The following NLRC3 variants were observed in gnomAD, a reference collection of about 807,000 sequenced individuals.
The protein encoded by NLRC3 is NLR family CARD domain-containing protein 3.
NLRC3 carries 87 observed loss-of-function variants against 91.6 expected under a neutral mutation model. The observed-to-expected ratio is 0.95, with a 90% confidence interval of 0.80 to 1.14. NLRC3 has a LOEUF of 1.14. Ranked by LOEUF, NLRC3 falls within the 50% of genes most tolerant of loss-of-function variation. The pLI, the probability that NLRC3 is intolerant of heterozygous loss-of-function variation, is 0.00. For synonymous variants in NLRC3, 694 were observed against 625.3 expected (o/e 1.11, Z -1.64); for missense variants, 1,577 against 1,418.6 (o/e 1.11, Z -1.79).
intron 12 of NLRC3, among the ~76,000 whole-genome samples, 170 bp from the exon 13 acceptor site, chr16:3,549,395 T>C (rs949742747): frequency 2.6e-5 from 4 of 152,142 alleles, no homozygotes; most frequent in Admixed American, 6.5e-5. Flanking sequence ...GAGCCAGTGC[T>C]GGGCCAGCCA....
chr16:3,560,723 G>A (rs1278204233), intron 6 of NLRC3, among the ~76,000 whole-genome samples: 4 of 151,892 alleles, frequency 2.6e-5, no homozygotes, highest in South Asian at 4.1e-4. Flanking sequence ...GCAGTGGTGC[G>A]ATCTCGGCTC....
chr16:3,546,648 G>A (rs896057353), intron 15 of NLRC3, among the ~76,000 whole-genome samples: 1 of 152,156 alleles, frequency 6.6e-6, no homozygotes. Flanking sequence ...TCACAAGATG[G>A]GGAGCCAAGA....
intron 11 of NLRC3, 118 bp downstream of exon 11, chr16:3,550,296 C>T: frequency 1.5e-6 from 1 of 664,792 alleles, no homozygotes; most frequent in Non-Finnish European, 2.7e-6. Context: ...AGTGTGTGCC[C>T]AGGGTTAGTG....
chr16:3,555,378 G>C (rs2151092121), intron 8 of NLRC3, among the ~76,000 whole-genome samples: 1 of 152,220 alleles, frequency 6.6e-6, no homozygotes, highest in East Asian at 1.9e-4. Flanking sequence ...GAAATGTCCA[G>C]AATAGGTAAA....
intron 15 of NLRC3, among the ~76,000 whole-genome samples, chr16:3,547,443 G>T (rs1437325576): frequency 6.6e-6 from 1 of 152,046 alleles, no homozygotes; most frequent in African/African-American, 2.4e-5. Flanking sequence ...GTGCTAACGG[G>T]GTGATGGAAA....
intron 16 of NLRC3, chr16:3,543,849 C>T (rs1567458287): frequency 2.8e-6 from 1 of 361,670 alleles, no homozygotes; most frequent in Admixed American, 4.0e-5. Flanking sequence ...CCTTCCTTGA[C>T]TTGTAAACAA....
chr16:3,553,259 A>G (rs2039106211), intron 9 of NLRC3, among the ~76,000 whole-genome samples: 1 of 152,192 alleles, frequency 6.6e-6, no homozygotes, highest in Non-Finnish European at 1.5e-5. Flanking sequence ...TTTAAAAGCA[A>G]AATCAGCCTC....
chr16:3,556,904 C>G lies in NLRC3; in HGVS notation c.2183+7G>C. ...GGGTCACAACACAGGGAGCAGGTGA[C>G]ACACACCTCAGGGAGGTCAGGGTGC... On this transcript the variant is annotated splice_region_variant and intron_variant, in intron 8 of 19. Transcript: ENST00000359128. The G allele has an allele frequency of 6.2e-7, 1 of 1,606,374 alleles. No individual in the cohort carries two copies. The highest frequency in any genetic ancestry group is 1.3e-5 in the African/African-American group (1 of 74,894).
chr16:3,553,766 CAG>C (rs1336097619), intron 9 of NLRC3, among the ~76,000 whole-genome samples: 56 of 149,834 alleles, frequency 3.7e-4, no homozygotes, highest in African/African-American at 1.4e-3. Flanking sequence ...TTTTTTTTGA[CAG>C]AGTCTCGCTG....
chr16:3,554,802 G>A (rs925661047), intron 8 of NLRC3, among the ~76,000 whole-genome samples: 28 of 152,310 alleles, frequency 1.8e-4, no homozygotes, highest in African/African-American at 6.7e-4. Context: ...GGCACTGGAA[G>A]TCGTATTCAC....
rs1244683454 is a variant in NLRC3, at chr16:3,564,343, G to T, written c.594C>A (p.Phe198Leu). 1.9e-6 allele frequency: 3 copies of T among 1,611,968 alleles called. No homozygotes were observed. Among genetic ancestry groups the T allele is most frequent in the Non-Finnish European group, 2.5e-6 (3 of 1,179,704 alleles). ...LCADRLICSV[F>L]PHVGEPSLAV... ...CCAGGCTGGGCTCCCCGACGTGCGGGAAGACCGAGCAGATGAGTCGGTCGG... is the reference window on the plus strand; with the variant it reads ...CCAGGCTGGGCTCCCCGACGTGCGGTAAGACCGAGCAGATGAGTCGGTCGG... The change falls in exon 5 of 20, where the codon TTC (phenylalanine) becomes TTA (leucine). Residue 198 changes from phenylalanine (F) to leucine (L), a missense_variant. By Grantham distance (22) the Phe-to-Leu change is conservative (BLOSUM62 0). Coordinates refer to ENST00000359128, the MANE Select transcript of NLRC3 (RefSeq NM_178844.4). The surrounding 1 kb of genome is among the most constrained non-coding windows in gnomAD (Gnocchi z 5.9).
chr16:3,542,039 T>C (rs959786151), intron 19 of NLRC3, 124 bp from the exon 20 acceptor site: 7 of 799,978 alleles, frequency 8.8e-6, no homozygotes, highest in Non-Finnish European at 1.1e-5. Flanking sequence ...CCTCGCTACA[T>C]GGACAAGGCT....
rs925556147 is a variant in NLRC3, at chr16:3,548,199, G to C, written c.2707C>G (p.Gln903Glu). ...CCCAGGGCCTGGGCAGCGCCGGCCT[G>C]GATGAAGTTCCACTGCAGGCTGGGC... is the stretch of plus-strand genomic sequence containing the variant. ...TSLHLQWNFI[Q>E]AGAAQALGQA... is the part of the protein sequence containing the mutation. The change falls in exon 15 of 20, where the codon CAG becomes GAG. Residue 903 changes from glutamine (Q) to glutamate (E), a missense_variant. Coordinates refer to ENST00000359128, the MANE Select transcript of NLRC3 (RefSeq NM_178844.4). 5.0e-6 allele frequency: 8 copies of C among 1,594,274 alleles called. No homozygotes were observed. The highest frequency in any genetic ancestry group is 2.3e-5 in the East Asian group (1 of 44,128).
chr16:3,546,727 G>T (rs751995489), intron 15 of NLRC3, among the ~76,000 whole-genome samples: 1 of 152,184 alleles, frequency 6.6e-6, no homozygotes, highest in Admixed American at 6.5e-5. Flanking sequence ...AGGTACAGAG[G>T]GGGTGTGGAC....
intron 19 of NLRC3, 56 bp from the exon 20 acceptor site, chr16:3,541,971 C>A: frequency 9.6e-7 from 1 of 1,042,150 alleles, no homozygotes; most frequent in Non-Finnish European, 1.5e-6. Flanking sequence ...TTTAGTAGAG[C>A]AGGCCATACA....
intron 1 of NLRC3, among the ~76,000 whole-genome samples, chr16:3,570,035 C>T (rs982087971): frequency 1.6e-4 from 24 of 152,184 alleles, no homozygotes; most frequent in Non-Finnish European, 3.1e-4. Context: ...GATGAAGACA[C>T]TGAGGCTCAG....
At chr16:3,547,606 GTATA>G (rs1029244936) in intron 15 of NLRC3, among the ~76,000 whole-genome samples, 10 of 152,160 alleles carry the variant, frequency 6.6e-5, no homozygotes, top group Admixed American at 5.9e-4. Context: ...ATATGTATGT[GTATA>G]TATGTATATG....
intron 18 of NLRC3, 54 bp downstream of exon 18, chr16:3,542,638 C>G (rs1596420140): frequency 1.8e-5 from 19 of 1,052,054 alleles, no homozygotes; most frequent in South Asian, 1.7e-4. Context: ...CAGGGAGGAC[C>G]CAGCAGAGAA....
chr16:3,575,090 C>A (rs146780417), intron 1 of NLRC3, among the ~76,000 whole-genome samples: 2 of 152,344 alleles, frequency 1.3e-5, no homozygotes, highest in East Asian at 3.9e-4. Flanking sequence ...TTGAAATTCA[C>A]ATTTGACCAA....
Sources: gnomAD v4.1 joint callset for allele counts (sites outside exome capture counted in the v4.1 genomes callset) on GRCh38, gnomAD v4.1.1 for gene constraint, Gnocchi (gnomAD v3.1) non-coding constraint, MANE v1.5 for transcripts, NCBI Gene and HGNC (gene_info 2026-07-23, HGNC 2026-07-21) for gene names.